The following ZNF276 variants were observed in gnomAD, a reference collection of about 807,000 sequenced individuals.
ZNF276 encodes centromere protein Z.
Under a neutral mutation model 63.9 loss-of-function variants are expected in ZNF276, and 59 were observed. That is an observed-to-expected ratio of 0.92 (90% CI 0.75 to 1.15). ZNF276 has a LOEUF of 1.15. Among genes scored for constraint, ZNF276 ranks in the 50% most tolerant of loss-of-function variants. The probability of loss-of-function intolerance (pLI) is 0.00; values close to 1 mark genes in which losing one functional copy is unlikely to be tolerated. For missense variants in ZNF276, 1,084 were observed against 843.8 expected (o/e 1.28, Z -3.53); for synonymous variants, 496 against 348.4 (o/e 1.42, Z -4.72).
At chr16:89,724,737 TGTGA>T (rs1280215008) in intron 4 of ZNF276, among the ~76,000 whole-genome samples, 1 of 152,194 alleles carries the variant, frequency 6.6e-6, no homozygotes, top group Non-Finnish European at 1.5e-5. Flanking sequence ...GGAACGGGAT[TGTGA>T]GTGTCACATC....
At chr16:89,728,477 C>T (rs4640180) in intron 5 of ZNF276, among the ~76,000 whole-genome samples, 104,907 of 151,726 alleles carry the variant, frequency 0.69, 37,487 homozygotes, top group East Asian at 0.98. Flanking sequence ...AATCTCGGCT[C>T]ACTGCAAGCT....
At position 89,726,322 on chromosome 16, in the gene ZNF276, G is replaced by A. The variant is rs1232115521; in HGVS notation, c.1007-957G>A. Among the ~76,000 whole-genome samples, 6 of 151,882 alleles carry A rather than the reference G, an allele frequency of 4.0e-5. No individual in the cohort carries two copies. The South Asian group carries it at 1.0e-3, about 26-fold the overall frequency. ...AGCGATTCTCCTGCCTCAGCCTCCCGAGTAGCTGGGATTACAGGCATGCAC... is the reference window on the plus strand; with the variant it reads ...AGCGATTCTCCTGCCTCAGCCTCCCAAGTAGCTGGGATTACAGGCATGCAC... On this transcript the variant is annotated intron_variant, in intron 4 of 10. Transcript: ENST00000443381.
At chr16:89,733,445 G>T in intron 7 of ZNF276, 33 bp downstream of exon 7, 1 of 1,614,136 alleles carries the variant, frequency 6.2e-7, no homozygotes. Flanking sequence ...CGCCCTGCCT[G>T]TCGGGGCCGG....
intron 5 of ZNF276, among the ~76,000 whole-genome samples, chr16:89,728,612 CG>C (rs1388240333): frequency 6.6e-6 from 1 of 152,070 alleles, no homozygotes; most frequent in Non-Finnish European, 1.5e-5. Flanking sequence ...CTTTGTTAGC[CG>C]GGATGGTCTT....
At chr16:89,735,895 G>GTTTTTTT (rs202205113) in intron 9 of ZNF276, among the ~76,000 whole-genome samples, 2 of 142,886 alleles carry the variant, frequency 1.4e-5, no homozygotes, top group Non-Finnish European at 3.0e-5. Context: ...TTTTTTGTTT[G>GTTTTTTT]TTTGTTTGTT....
upstream of ZNF276, chr16:89,720,529 C>G (rs767315432): frequency 9.5e-6 from 11 of 1,160,276 alleles, no homozygotes; most frequent in East Asian, 4.1e-4. Flanking sequence ...TGTGATGCAC[C>G]GGCTCAGCGA....
Position 89,723,144 on chromosome 16 carries a change from G to A in ZNF276, c.517G>A (p.Ala173Thr). ...GRRKPCAKVG[A>T]QPPTGAEEGA... ...CACACTGATCCTTTGCAGGGTCGGT[G>A]CCCAGCCCCCAACAGGGGCAGAGGA... The change falls in exon 3 of 11, where the codon GCC becomes ACC. Residue 173 changes from alanine (A) to threonine (T), a missense_variant. Transcript: ENST00000443381. 1 of 1,613,210 alleles carries A rather than the reference G, an allele frequency of 6.2e-7. No individual in the cohort carries two copies. The highest frequency in any genetic ancestry group is 8.5e-7 in the Non-Finnish European group (1 of 1,180,034).
At chr16:89,728,525 T>TA (rs1555529210) in intron 5 of ZNF276, among the ~76,000 whole-genome samples, 1 of 152,172 alleles carries the variant, frequency 6.6e-6, no homozygotes, top group African/African-American at 2.4e-5. Flanking sequence ...GGCCTCAGCC[T>TA]CTGAGTCGCT....
At chr16:89,735,267 A>G (rs951680533) in intron 9 of ZNF276, among the ~76,000 whole-genome samples, 4 of 149,370 alleles carry the variant, frequency 2.7e-5, no homozygotes, top group Admixed American at 6.7e-5. Context: ...GGACTTCAGT[A>G]TGAGCAGATT....
At chr16:89,727,506 C>G (rs1287450793) in intron 5 of ZNF276, 149 bp downstream of exon 5, 1 of 872,426 alleles carries the variant, frequency 1.1e-6, no homozygotes, top group Non-Finnish European at 1.8e-6. Context: ...GCTGCCCATG[C>G]GCTGGTACCA....
intron 9 of ZNF276, among the ~76,000 whole-genome samples, chr16:89,734,724 CAT>C (rs2061792387): frequency 1.3e-5 from 2 of 152,174 alleles, no homozygotes; most frequent in South Asian, 2.1e-4. Flanking sequence ...TGCCTTTTCA[CAT>C]GTGTGTAGGT....
At position 89,723,083 on chromosome 16, in the gene ZNF276, C is replaced by T. The variant is rs141245262; in HGVS notation, c.510-54C>T. The stretch of plus-strand genomic sequence containing the variant: ...TCTCGAGAGGGTCCCGTACGACGAG[C>T]GCTGTGAACCTCCGCCTGCTTGTCC... On this transcript the variant is annotated intron_variant, in intron 2 of 10. Transcript: ENST00000443381. The T allele has an allele frequency of 5.0e-4, 807 of 1,612,356 alleles. 5 individuals carry two copies. The African/African-American group carries it at 1.0e-2, about 20-fold the overall frequency.
chr16:89,723,732 G>C (rs772629339), intron 4 of ZNF276, 23 bp downstream of exon 4: 17 of 1,596,652 alleles, frequency 1.1e-5, no homozygotes, highest in Non-Finnish European at 1.5e-5. Flanking sequence ...TCTTGCTGGT[G>C]CTAGACCAGG....
rs2151710077 is a variant in ZNF276 at position 89,738,721 on chromosome 16, A to T, written c.*475A>T. 1 of 1,613,698 alleles carries T rather than the reference A, an allele frequency of 6.2e-7. No individual in the cohort carries two copies. The highest frequency in any genetic ancestry group is 8.5e-7 in the Non-Finnish European group (1 of 1,179,858). ...GATCAGCCAGCAGCTGTGAGAGAGGAGCAGGTCCTCAGCCCATGCCGCCCA... is the reference window on the plus strand; with the variant it reads ...GATCAGCCAGCAGCTGTGAGAGAGGTGCAGGTCCTCAGCCCATGCCGCCCA... On this transcript the variant is annotated 3_prime_UTR_variant, in exon 11 of 11. Transcript: ENST00000443381.
intron 9 of ZNF276, among the ~76,000 whole-genome samples, chr16:89,735,931 G>A (rs192820836): frequency 3.4e-5 from 5 of 147,048 alleles, no homozygotes; most frequent in East Asian, 2.0e-4. Flanking sequence ...TGCTCTTGTC[G>A]CCCAGGCTGG....
chr16:89,720,595 C>T, upstream of ZNF276: 1 of 1,225,774 alleles, frequency 8.2e-7, no homozygotes. Flanking sequence ...CACTGCACGC[C>T]CGGCTGCGCC....
intron 9 of ZNF276, among the ~76,000 whole-genome samples, chr16:89,734,398 TCAC>T (rs1443641241): frequency 2.0e-5 from 3 of 152,184 alleles, no homozygotes; most frequent in Middle Eastern, 3.2e-3. Flanking sequence ...CCATCTTGGC[TCAC>T]CACAACCTCT....
rs2061497450 is a variant in ZNF276 at position 89,727,260 on chromosome 16, C to T, written c.1007-19C>T. On this transcript the variant is annotated intron_variant, in intron 4 of 10. Transcript: ENST00000443381. ...TGTGCTCCGTGTTGGTAACAGGAGC[C>T]TTGTTCTTTGTTTCTCAGGGCAGTT... The T allele has an allele frequency of 1.2e-6, 2 of 1,613,598 alleles. No homozygotes were observed. The highest frequency in any genetic ancestry group is 2.7e-5 in the African/African-American group (2 of 75,026).
At chr16:89,729,635 G>A (rs569645306) in intron 6 of ZNF276, among the ~76,000 whole-genome samples, 20 of 152,142 alleles carry the variant, frequency 1.3e-4, no homozygotes, top group African/African-American at 4.8e-4. Flanking sequence ...AGGCTCTTAC[G>A]TCCCTTCTGC....
Sources: allele counts gnomAD v4.1 joint callset (sites outside exome capture counted in the v4.1 genomes callset), GRCh38; gene constraint gnomAD v4.1.1; transcripts MANE v1.5; gene names NCBI Gene and HGNC (gene_info 2026-07-23, HGNC 2026-07-21).